The following PPP2R2B variants were observed in gnomAD, a reference collection of about 807,000 sequenced individuals.
PPP2R2B encodes serine/threonine-protein phosphatase 2A 55 kDa regulatory subunit B beta isoform.
Under a neutral mutation model 46.0 loss-of-function variants are expected in PPP2R2B, and 5 were observed. That is an observed-to-expected ratio of 0.11 (90% confidence interval 0.06 to 0.23). The LOEUF is 0.23. Among genes scored for constraint, PPP2R2B ranks in the 10% least tolerant of loss-of-function variants. PPP2R2B has a pLI of 1.00. For missense variants in PPP2R2B, 367 were observed against 575.0 expected (o/e 0.64, Z 3.70); for synonymous variants, 215 against 206.7 (o/e 1.04, Z -0.34).
intron 2 of PPP2R2B, among the ~76,000 whole-genome samples, chr5:147,075,162 A>G (rs747354151): frequency 6.6e-6 from 1 of 152,186 alleles, no homozygotes; most frequent in Non-Finnish European, 1.5e-5. Flanking sequence ...TTTACCATAT[A>G]AAGTACTTCT....
intron 1 of PPP2R2B, among the ~76,000 whole-genome samples, chr5:147,006,442 C>T (rs1035160794): frequency 6.6e-6 from 1 of 152,112 alleles, no homozygotes; most frequent in Non-Finnish European, 1.5e-5. Context: ...ATGTATTATC[C>T]TAACTTCTAA....
chr5:146,796,038 A>T (rs1018376786), intron 2 of PPP2R2B, among the ~76,000 whole-genome samples: 2 of 152,196 alleles, frequency 1.3e-5, no homozygotes, highest in Non-Finnish European at 2.9e-5. Flanking sequence ...TTACTGCCTA[A>T]TAAGCATCTC....
intron 5 of PPP2R2B, among the ~76,000 whole-genome samples, chr5:146,678,643 C>A (rs1318656310): frequency 6.8e-6 from 1 of 146,608 alleles, no homozygotes; most frequent in Non-Finnish European, 1.5e-5. Context: ...TCTAGAAAAC[C>A]CCATTGTCTC....
intron 2 of PPP2R2B, among the ~76,000 whole-genome samples, chr5:146,865,276 T>C (rs1229712619): frequency 2.1e-5 from 3 of 140,944 alleles, no homozygotes; most frequent in African/African-American, 8.2e-5. Flanking sequence ...TCTCCATTCA[T>C]CTCTCTCTTT....
At chr5:147,057,299 G>C (rs1757119199), upstream of PPP2R2B, among the ~76,000 whole-genome samples, 1 of 152,196 alleles carries the variant, frequency 6.6e-6, no homozygotes, top group Non-Finnish European at 1.5e-5. Context: ...GACTTGGCAA[G>C]GTAGGGCCAT....
rs1042232855 is a variant in PPP2R2B at position 146,906,535 on chromosome 5, T to C, written c.79+149130A>G. Among the ~76,000 whole-genome samples the C allele has an allele frequency of 1.5e-3, 236 of 152,326 alleles. 3 individuals carry two copies. The highest frequency in any genetic ancestry group is 5.0e-3 in the African/African-American group (210 of 41,588). Reference sequence around the variant, plus strand: ...CGGGGTTTCTACATATTGGTCAGACTGATCTCGAACTCCCGATCTCAGGTG... The same window carrying C: ...CGGGGTTTCTACATATTGGTCAGACCGATCTCGAACTCCCGATCTCAGGTG... On this transcript the variant is annotated intron_variant, in intron 1 of 8. Coordinates refer to the PPP2R2B transcript ENST00000336640.
At chr5:146,745,160 C>CAGAGAG (rs747573157) in intron 2 of PPP2R2B, among the ~76,000 whole-genome samples, 3,024 of 94,836 alleles carry the variant, frequency 0.032, 66 homozygotes, top group East Asian at 0.11. Context: ...CAGAGAAAGA[C>CAGAGAG]AGAGAGAGAG....
intron 1 of PPP2R2B, among the ~76,000 whole-genome samples, chr5:146,975,912 T>A (rs1752878656): frequency 6.6e-6 from 1 of 151,970 alleles, no homozygotes; most frequent in Admixed American, 6.6e-5. Context: ...AAATATTTTC[T>A]CCCATTCTAT....
chr5:147,023,627 T>C (rs1755389340), intron 1 of PPP2R2B, among the ~76,000 whole-genome samples: 1 of 152,170 alleles, frequency 6.6e-6, no homozygotes, highest in African/African-American at 2.4e-5. Context: ...AGGGCCAAAA[T>C]GGGACAATTC....
chr5:146,939,448 C>T (rs1202794732), intron 1 of PPP2R2B, among the ~76,000 whole-genome samples: 2 of 152,128 alleles, frequency 1.3e-5, no homozygotes, highest in Admixed American at 1.3e-4. Context: ...TCAACTTTTG[C>T]CATCGCTTAA....
intron 1 of PPP2R2B, among the ~76,000 whole-genome samples, chr5:146,971,564 T>C (rs1752662120): frequency 1.3e-5 from 2 of 152,220 alleles, no homozygotes; most frequent in Non-Finnish European, 2.9e-5. Context: ...ATGAATAATC[T>C]TGTATATTTT....
chr5:146,805,694 A>T (rs1050435983), intron 2 of PPP2R2B, among the ~76,000 whole-genome samples: 5 of 152,140 alleles, frequency 3.3e-5, no homozygotes, highest in Admixed American at 3.3e-4. Flanking sequence ...GGAGTGGTTT[A>T]AAAGTGGTAT....
intron 2 of PPP2R2B, among the ~76,000 whole-genome samples, chr5:146,745,088 C>T (rs1164211288): frequency 6.6e-6 from 1 of 150,914 alleles, no homozygotes; most frequent in Non-Finnish European, 1.5e-5. Context: ...ATAGAAGAAA[C>T]CTGTGTCTTT....
chr5:146,893,661 A>G (rs1388226199), intron 1 of PPP2R2B, among the ~76,000 whole-genome samples: 4 of 152,094 alleles, frequency 2.6e-5, no homozygotes, highest in Non-Finnish European at 2.9e-5. Flanking sequence ...TAAAAATACA[A>G]AATGAGAACA....
At chr5:146,993,051 T>C (rs1261496129) in intron 1 of PPP2R2B, among the ~76,000 whole-genome samples, 1 of 151,956 alleles carries the variant, frequency 6.6e-6, no homozygotes, top group East Asian at 1.9e-4. Flanking sequence ...CAAGTGATTC[T>C]TGTGCCTCAG....
intron 1 of PPP2R2B, among the ~76,000 whole-genome samples, chr5:146,967,888 CT>C (rs1752498497): frequency 6.6e-6 from 1 of 152,148 alleles, no homozygotes; most frequent in Admixed American, 6.6e-5. Context: ...AATATCCTCA[CT>C]GCAGCAAACA....
At chr5:146,884,036 G>T (rs1762246909) in intron 1 of PPP2R2B, among the ~76,000 whole-genome samples, 1 of 150,312 alleles carries the variant, frequency 6.7e-6, no homozygotes, top group Admixed American at 6.6e-5. Flanking sequence ...AATCTGCCAT[G>T]GTAGGATATT....
At chr5:146,882,547 A>G (rs1164732953), upstream of PPP2R2B, among the ~76,000 whole-genome samples, 1 of 152,192 alleles carries the variant, frequency 6.6e-6, no homozygotes, top group African/African-American at 2.4e-5. Context: ...AATGAATAGT[A>G]TTTGTTTCAT....
chr5:146,900,587 C>CTTCATTCCTTCCTTCCTTCT (rs1554074755), intron 1 of PPP2R2B, among the ~76,000 whole-genome samples: 26 of 112,322 alleles, frequency 2.3e-4, no homozygotes, highest in South Asian at 6.8e-4. Context: ...TCCTTCCTTC[C>CTTCATTCCTTCCTTCCTTCT]TTCCTTCTTT....
Sources: allele counts gnomAD v4.1 joint callset (sites outside exome capture counted in the v4.1 genomes callset), GRCh38; gene constraint gnomAD v4.1.1; transcripts MANE v1.5; gene names NCBI Gene and HGNC (gene_info 2026-07-23, HGNC 2026-07-21).